GREM2: variants seen among roughly 807,000 people sequenced by gnomAD.
The protein encoded by GREM2 is gremlin-2.
Under a neutral mutation model 14.2 loss-of-function variants are expected in GREM2, and 11 were observed. That is an observed-to-expected ratio of 0.78 (90% confidence interval 0.49 to 1.28). The LOEUF (loss-of-function observed/expected upper bound fraction) is 1.28, where lower values mean the gene tolerates loss of function less well. Among genes scored for constraint, GREM2 ranks in the 50% most tolerant of loss-of-function variants. GREM2 has a pLI of 0.00. For synonymous variants in GREM2, 98 were observed against 97.6 expected, an observed-to-expected ratio of 1.00 and a Z score of -0.02; for missense variants, 210 against 218.5, an observed-to-expected ratio of 0.96 and a Z score of 0.24.
At chr1:240,602,342 G>A (rs1042071903) in intron 1 of GREM2, among the ~76,000 whole-genome samples, 1 of 152,126 alleles carries the variant, frequency 6.6e-6, no homozygotes, top group Non-Finnish European at 1.5e-5. Context: ...AAAGTCAGAA[G>A]TATTCTTTCT....
chr1:240,603,858 G>T (rs570107589), intron 1 of GREM2, among the ~76,000 whole-genome samples: 10 of 151,446 alleles, frequency 6.6e-5, no homozygotes, highest in African/African-American at 2.4e-4. Context: ...ATGCTATTGT[G>T]TTAGTCCATT....
Position 240,490,298 on chromosome 1 carries a change from C to T in GREM2, c.*2671G>A, listed in dbSNP as rs528945621. ...CAAAGACCAGGATTGAGGGCCACCT[C>T]CATCACTTCTGCTCCTTGGATGCCT... is the stretch of plus-strand genomic sequence containing the variant. On this transcript the variant is annotated 3_prime_UTR_variant, in exon 2 of 2. Transcript: ENST00000318160. 2 of 152,530 alleles carry T rather than the reference C, an allele frequency of 1.3e-5. No homozygotes were observed. Among genetic ancestry groups the T allele is most frequent in the South Asian group, 2.1e-4 (1 of 4,832 alleles). The allele number at this position is 152,530 out of a possible 1,614,324, so 9.4% of individuals were successfully genotyped here.
chr1:240,562,989 T>G (rs534584630), intron 1 of GREM2, among the ~76,000 whole-genome samples: 1 of 148,156 alleles, frequency 6.7e-6, no homozygotes, highest in African/African-American at 2.6e-5. Context: ...TATGTAAGTG[T>G]GTATGTGTGT....
intron 1 of GREM2, among the ~76,000 whole-genome samples, chr1:240,547,534 T>TATAGACAGAC (rs1491511748): frequency 8.4e-6 from 1 of 119,396 alleles, no homozygotes; most frequent in African/African-American, 3.6e-5. Context: ...TATATATATA[T>TATAGACAGAC]AGATAGATAG....
intron 1 of GREM2, among the ~76,000 whole-genome samples, chr1:240,547,143 C>T (rs1320381150): frequency 6.6e-6 from 1 of 152,088 alleles, no homozygotes; most frequent in African/African-American, 2.4e-5. Context: ...GCTTTGGAAT[C>T]TTGAATGCAC....
At chr1:240,583,191 C>T (rs944865594) in intron 1 of GREM2, among the ~76,000 whole-genome samples, 12 of 151,946 alleles carry the variant, frequency 7.9e-5, no homozygotes, top group African/African-American at 2.4e-4. Flanking sequence ...GTGACACTTT[C>T]GAAATAATCC....
At chr1:240,524,447 T>C (rs1263727664) in intron 1 of GREM2, among the ~76,000 whole-genome samples, 1 of 152,234 alleles carries the variant, frequency 6.6e-6, no homozygotes, top group Admixed American at 6.5e-5. Context: ...AAAACATAGA[T>C]ACATTTGGGA....
At chr1:240,607,154 A>G (rs964719640) in intron 1 of GREM2, among the ~76,000 whole-genome samples, 2 of 152,320 alleles carry the variant, frequency 1.3e-5, no homozygotes, top group East Asian at 3.9e-4. Flanking sequence ...ACTGTCAGCC[A>G]TTTCTCAGAG....
At chr1:240,534,720 T>C (rs929357747) in intron 1 of GREM2, among the ~76,000 whole-genome samples, 9 of 142,208 alleles carry the variant, frequency 6.3e-5, no homozygotes, top group South Asian at 2.3e-4. Context: ...AAAAATGCAA[T>C]ACTATGGAAG....
At chr1:240,503,071 A>T (rs371230161) in intron 1 of GREM2, among the ~76,000 whole-genome samples, 5 of 152,336 alleles carry the variant, frequency 3.3e-5, no homozygotes, top group African/African-American at 1.2e-4. Context: ...CATGAGGGGC[A>T]AGCACAGGAT....
intron 1 of GREM2, among the ~76,000 whole-genome samples, chr1:240,549,544 C>CA (rs1476635640): frequency 2.6e-5 from 4 of 151,952 alleles, no homozygotes; most frequent in Non-Finnish European, 1.5e-5. Context: ...AAAGACACAA[C>CA]AAAAAAACCG....
At chr1:240,561,338 G>A (rs1006821295) in intron 1 of GREM2, among the ~76,000 whole-genome samples, 4 of 152,138 alleles carry the variant, frequency 2.6e-5, no homozygotes, top group African/African-American at 9.7e-5. Flanking sequence ...ACCCACAAGG[G>A]AGTTAAAAGA....
chr1:240,494,290 G>A (rs903085404), intron 1 of GREM2, among the ~76,000 whole-genome samples: 16 of 152,098 alleles, frequency 1.1e-4, no homozygotes, highest in African/African-American at 3.9e-4. Context: ...GCCCACAGAA[G>A]TTGAGTCATT....
intron 1 of GREM2, among the ~76,000 whole-genome samples, chr1:240,544,869 C>T (rs148865008): frequency 1.3e-5 from 2 of 152,302 alleles, no homozygotes; most frequent in East Asian, 3.9e-4. Context: ...TTCCTCTAGT[C>T]TGTGAAAAGT....
chr1:240,495,474 A>G (rs1436242895), intron 1 of GREM2, among the ~76,000 whole-genome samples: 1 of 152,252 alleles, frequency 6.6e-6, no homozygotes. Context: ...CGTCTTAAAT[A>G]TATCCATGCT....
At chr1:240,563,033 AGT>A (rs771707313) in intron 1 of GREM2, among the ~76,000 whole-genome samples, 1 of 138,292 alleles carries the variant, frequency 7.2e-6, no homozygotes, top group African/African-American at 2.7e-5. Context: ...TGTGTATATG[AGT>A]GTGTATGTGT....
chr1:240,500,737 T>C (rs188367744), intron 1 of GREM2, among the ~76,000 whole-genome samples: 1 of 152,334 alleles, frequency 6.6e-6, no homozygotes, highest in East Asian at 1.9e-4. Context: ...TAAAGCACAG[T>C]TTATTCATTC....
chr1:240,586,702 G>A (rs902911975), intron 1 of GREM2, among the ~76,000 whole-genome samples: 1 of 152,214 alleles, frequency 6.6e-6, no homozygotes, highest in Non-Finnish European at 1.5e-5. Flanking sequence ...TCAATCAGGT[G>A]TCACCCTGGT....
intron 1 of GREM2, among the ~76,000 whole-genome samples, chr1:240,511,768 A>C (rs1677838884): frequency 6.6e-6 from 1 of 152,190 alleles, no homozygotes; most frequent in South Asian, 2.1e-4. Flanking sequence ...CTCAAAGAAA[A>C]AAGGGACTTG....
Sources: allele counts gnomAD v4.1 joint callset (sites outside exome capture counted in the v4.1 genomes callset), GRCh38; gene constraint gnomAD v4.1.1; transcripts MANE v1.5; gene names NCBI Gene and HGNC (gene_info 2026-07-23, HGNC 2026-07-21).